Variants in MCRIP1 observed in about 807,000 individuals in gnomAD.
The protein encoded by MCRIP1 is mapk-regulated corepressor-interacting protein 1.
A neutral mutation model predicts 14.4 loss-of-function variants in MCRIP1; 10 were observed. The ratio of observed to expected loss-of-function variants is 0.70; its 90% CI spans 0.43 to 1.18. MCRIP1 has a LOEUF of 1.18. Among genes scored for constraint, MCRIP1 ranks in the 50% most tolerant of loss-of-function variants. The pLI is 0.00. For synonymous variants in MCRIP1, 53 were observed against 55.7 expected (o/e 0.95, Z 0.21); for missense variants, 119 against 135.4 (o/e 0.88, Z 0.60).
chr17:81,827,776 A>ATTTTTTT (rs757592037), intron 1 of MCRIP1, among the ~76,000 whole-genome samples: 1 of 110,772 alleles, frequency 9.0e-6, no homozygotes, highest in African/African-American at 3.8e-5. Context: ...GCACCCATAC[A>ATTTTTTT]TTTTTTTTTT....
intron 1 of MCRIP1, among the ~76,000 whole-genome samples, chr17:81,831,910 G>A (rs1345834027): frequency 6.6e-6 from 1 of 152,154 alleles, no homozygotes; most frequent in Non-Finnish European, 1.5e-5. Flanking sequence ...GTCGCATTGG[G>A]TAGAACTATG....
intron 1 of MCRIP1, among the ~76,000 whole-genome samples, 167 bp downstream of exon 1, chr17:81,833,071 G>A (rs1374806335): frequency 6.7e-6 from 1 of 149,640 alleles, no homozygotes; most frequent in Non-Finnish European, 1.5e-5. Context: ...GCCGGGCGGG[G>A]AACGCGGGCC....
At position 81,823,126 on chromosome 17, in the gene MCRIP1, G is replaced by A. The variant is rs2038304927; in HGVS notation, c.*121C>T. On this transcript the variant is annotated 3_prime_UTR_variant, in exon 5 of 5. Coordinates refer to ENST00000455127, the MANE Select transcript of MCRIP1 (RefSeq NM_207368.5). The surrounding 1 kb of genome is among the most constrained non-coding windows in gnomAD (Gnocchi z 6.0). ...GGCCTCAGCCGTCAGTCACGCCAGT[G>A]CTGGGATCTGCAGCCCGCTGGAGCA... 4 of 927,830 alleles carry A rather than the reference G, an allele frequency of 4.3e-6. No homozygotes were observed. Among genetic ancestry groups the A allele is most frequent in the Non-Finnish European group, 3.3e-6 (2 of 598,472 alleles). The allele number at this position is 927,830 out of a possible 1,614,324, so 57.5% of individuals were successfully genotyped here.
At chr17:81,826,817 CAA>C (rs1169330913) in intron 1 of MCRIP1, among the ~76,000 whole-genome samples, 11 of 47,044 alleles carry the variant, frequency 2.3e-4, no homozygotes, top group African/African-American at 5.1e-4. Flanking sequence ...GACTCCATCT[CAA>C]AAAAAAAAAA....
intron 1 of MCRIP1, 142 bp from the exon 2 acceptor site, chr17:81,824,696 A>G: frequency 6.8e-7 from 1 of 1,468,658 alleles, no homozygotes; most frequent in Non-Finnish European, 9.0e-7. Flanking sequence ...GGTGTCCCCC[A>G]CAGGCTGGGG....
chr17:81,827,776 ATTTT>A (rs757592037), intron 1 of MCRIP1, among the ~76,000 whole-genome samples: 32 of 110,766 alleles, frequency 2.9e-4, no homozygotes, highest in African/African-American at 1.0e-3. Context: ...GCACCCATAC[ATTTT>A]TTTTTTTTTT....
In MCRIP1 at chr17:81,825,025, G is replaced by C. The variant is rs748040394; in HGVS notation, c.-48-471C>G. 90 of 1,022,832 alleles carry C rather than the reference G, an allele frequency of 8.8e-5. No individual in the cohort carries two copies. The Middle Eastern group carries it at 8.2e-3, about 93-fold the overall frequency. The allele number at this position is 1,022,832 out of a possible 1,614,324, so 63.4% of individuals were successfully genotyped here. Reference sequence around the variant, plus strand: ...GGGCTGGGCACACGGCTTCTGCTGAGCCTTGATTTCCTTTCTGTAAAACGG... The same window carrying C: ...GGGCTGGGCACACGGCTTCTGCTGACCCTTGATTTCCTTTCTGTAAAACGG... On this transcript the variant is annotated intron_variant, in intron 1 of 4. Transcript: ENST00000455127.
chr17:81,824,786 C>A, intron 1 of MCRIP1: 1 of 1,412,944 alleles, frequency 7.1e-7, no homozygotes, highest in South Asian at 1.6e-5. Context: ...GACACACACA[C>A]AACTTGAAGC....
In MCRIP1 at chr17:81,824,402, G is replaced by A; in HGVS notation, c.12C>T (p.Ser4=). The change falls in exon 3 of 5, where the codon TCC becomes TCT. Residue 4 remains serine (S), a synonymous_variant. Transcript: ENST00000455127. The part of the protein sequence containing the change: MTS[S]PVSRVVYNGK... ...CGTTGTACACGACTCTGGAGACGGGGGAGCTGGGGGAGCCTGGCGCATGAG... is the reference window on the plus strand; with the variant it reads ...CGTTGTACACGACTCTGGAGACGGGAGAGCTGGGGGAGCCTGGCGCATGAG... The A allele has an allele frequency of 1.3e-6, 2 of 1,533,920 alleles. No individual in the cohort carries two copies. The highest frequency in any genetic ancestry group is 8.7e-7 in the Non-Finnish European group (1 of 1,144,940).
Position 81,824,495 on chromosome 17 carries a change from C to G in MCRIP1, c.8+4G>C. 1 of 1,536,240 alleles carries G rather than the reference C, an allele frequency of 6.5e-7. No homozygotes were observed. The highest frequency in any genetic ancestry group is 8.7e-7 in the Non-Finnish European group (1 of 1,146,808). On this transcript the variant is annotated splice_donor_region_variant and intron_variant, in intron 2 of 4. Transcript: ENST00000455127. ...GGAGACCAGCCCACCTGCCTGAGACCCACCTGGTCATCGCGGGGGCGTCTG... is the reference window on the plus strand; with the variant it reads ...GGAGACCAGCCCACCTGCCTGAGACGCACCTGGTCATCGCGGGGGCGTCTG...
At position 81,824,329 on chromosome 17, in the gene MCRIP1, A is replaced by G. The variant is rs529123980; in HGVS notation, c.85T>C (p.Phe29Leu). 1 of 1,536,064 alleles carries G rather than the reference A, an allele frequency of 6.5e-7. No homozygotes were observed. The highest frequency in any genetic ancestry group is 2.0e-5 in the Admixed American group (1 of 50,810). Residue 29 changes from phenylalanine (F) to leucine (L), a missense_variant, in exon 3 of 5, where the codon TTC (phenylalanine) becomes CTC (leucine). By Grantham distance (22) the Phe-to-Leu change is conservative. Coordinates refer to ENST00000455127, the MANE Select transcript of MCRIP1 (RefSeq NM_207368.5). ...ACGTTCTCCTCGTGGGCTGGGGTGA[A>G]GATCTCGCTGCTGCTGGGTGGGGAG... Reference protein sequence around the residue: ...PRSPPSSSEIFTPAHEENVRF... With the variant: ...PRSPPSSSEILTPAHEENVRF...
chr17:81,822,980 C>T lies in MCRIP1; in HGVS notation c.*267G>A. On this transcript the variant is annotated 3_prime_UTR_variant, in exon 5 of 5. Transcript: ENST00000455127. The stretch of plus-strand genomic sequence containing the variant: ...GTCAGGGCCCCTGGGGGCCAGGCAG[C>T]TTCAAAAATGCAGCCAGGTGGCTGG... 1 of 587,624 alleles carries T rather than the reference C, an allele frequency of 1.7e-6. No individual in the cohort carries two copies. The highest frequency in any genetic ancestry group is 2.1e-5 in the South Asian group (1 of 48,772). The allele number at this position is 587,624 out of a possible 1,614,324, so 36.4% of individuals were successfully genotyped here. A position where few individuals can be genotyped will look rare whatever the true frequency, so the allele number is the denominator to read the frequency against.
chr17:81,823,155 C>T lies in MCRIP1; in HGVS notation c.*92G>A. ...GGATCTGCAGCCCGCTGGAGCAAGG[C>T]ACCCCCATCCCAGGGGCAGGACCAC... On this transcript the variant is annotated 3_prime_UTR_variant, in exon 5 of 5. Transcript: ENST00000455127. The surrounding 1 kb of genome is among the most constrained non-coding windows in gnomAD (Gnocchi z 6.0). 8 of 1,255,638 alleles carry T rather than the reference C, an allele frequency of 6.4e-6. No homozygotes were observed. Among genetic ancestry groups the T allele is most frequent in the South Asian group, 2.6e-5 (2 of 78,230 alleles). 77.8% of individuals were successfully genotyped at this position (1,255,638 alleles called of 1,614,324 possible).
At chr17:81,824,894 C>T (rs993469875) in intron 1 of MCRIP1, 78 of 1,204,944 alleles carry the variant, frequency 6.5e-5, no homozygotes, top group Non-Finnish European at 7.6e-5. Context: ...GAGCCCCTCC[C>T]CACGTGGGCT....
In MCRIP1 at chr17:81,824,543, T is replaced by G; in HGVS notation, c.-37A>C. On this transcript the variant is annotated 5_prime_UTR_variant, in exon 2 of 5. Transcript: ENST00000455127. The stretch of plus-strand genomic sequence containing the variant: ...CTGATCCTAGCGCTCCACCGCCAGA[T>G]CCCCTCAGCCTCTGAAACAGAAGCC... 1.3e-6 allele frequency: 2 copies of G among 1,535,796 alleles called. No homozygotes were observed. The highest frequency in any genetic ancestry group is 1.7e-6 in the Non-Finnish European group (2 of 1,146,700).
chr17:81,829,909 A>T (rs952967034), intron 1 of MCRIP1, among the ~76,000 whole-genome samples: 1 of 152,214 alleles, frequency 6.6e-6, no homozygotes, highest in Non-Finnish European at 1.5e-5. Flanking sequence ...GGTGTCACCC[A>T]GGCCCTCTGC....
chr17:81,830,110 C>A (rs1470446269), intron 1 of MCRIP1, among the ~76,000 whole-genome samples: 2 of 152,266 alleles, frequency 1.3e-5, no homozygotes, highest in Admixed American at 6.5e-5. Flanking sequence ...CAGGGCCTGG[C>A]CTACTGGGCT....
chr17:81,829,575 C>A (rs2038478458), intron 1 of MCRIP1, among the ~76,000 whole-genome samples: 1 of 152,224 alleles, frequency 6.6e-6, no homozygotes, highest in South Asian at 2.1e-4. Context: ...CTGACAATTG[C>A]TAACACGTCA....
chr17:81,830,556 G>A (rs1219323016), intron 1 of MCRIP1, among the ~76,000 whole-genome samples: 1 of 152,134 alleles, frequency 6.6e-6, no homozygotes, highest in Non-Finnish European at 1.5e-5. Context: ...AGAATCGCTT[G>A]AACCCGGGAG....
Sources: allele counts gnomAD v4.1 joint callset (sites outside exome capture counted in the v4.1 genomes callset), GRCh38; gene constraint gnomAD v4.1.1; non-coding constraint Gnocchi (gnomAD v3.1); transcripts MANE v1.5; gene names NCBI Gene and HGNC (gene_info 2026-07-23, HGNC 2026-07-21).